FAM110B: variants seen among roughly 807,000 people sequenced by gnomAD.
The protein encoded by FAM110B is protein FAM110B.
In FAM110B, 6 loss-of-function variants were observed where a neutral mutation model predicts 20.4. The observed-to-expected ratio is 0.29, with a 90% CI of 0.16 to 0.58. FAM110B has a LOEUF of 0.58. FAM110B is among the 20% of genes least tolerant of loss of function. The pLI, the probability that FAM110B is intolerant of heterozygous loss-of-function variation, is 0.90. For missense variants in FAM110B, 434 were observed against 498.2 expected (o/e 0.87, Z 1.23); for synonymous variants, 226 against 214.1 (o/e 1.06, Z -0.49).
At position 58,148,394 on chromosome 8, in the gene FAM110B, T is replaced by C. The variant is rs925235806; in HGVS notation, c.*1051T>C. ...TCTGAGCAGCGTGATTCTGTTGTCT[T>C]GCATATGTTATTCTCTCAGGCTGTG... On this transcript the variant is annotated 3_prime_UTR_variant, in exon 4 of 4. Coordinates refer to ENST00000519262, the MANE Select transcript of FAM110B (RefSeq NM_001377989.1). 6.0e-6 allele frequency: 1 copy of C among 167,212 alleles called. No individual in the cohort carries two copies. The allele number at this position is 167,212 out of a possible 1,614,324, so 10.4% of individuals were successfully genotyped here. A position where few individuals can be genotyped will look rare whatever the true frequency, so the allele number is the denominator to read the frequency against.
At chr8:58,141,000 A>G (rs1031406478) in intron 3 of FAM110B, among the ~76,000 whole-genome samples, 3 of 152,224 alleles carry the variant, frequency 2.0e-5, no homozygotes, top group African/African-American at 7.2e-5. Flanking sequence ...GAACACAGCC[A>G]TAATTCAGTC....
In FAM110B at chr8:58,145,889, G is replaced by C. The variant is rs1434477120; in HGVS notation, c.-324-18G>C. The C allele has an allele frequency of 1.0e-5, 2 of 199,952 alleles. No individual in the cohort carries two copies. The highest frequency in any genetic ancestry group is 1.6e-4 in the South Asian group (1 of 6,146). The allele number at this position is 199,952 out of a possible 1,614,324, so 12.4% of individuals were successfully genotyped here. ...CACCCGCCCCTCCTAACCCGCGGTT[G>C]GTTGTTTTGTGTTTCAGCTCTGCCT... On this transcript the variant is annotated intron_variant, in intron 3 of 3. Transcript: ENST00000519262.
chr8:58,105,655 G>A (rs144348919), intron 3 of FAM110B, among the ~76,000 whole-genome samples: 43 of 128,526 alleles, frequency 3.3e-4, no homozygotes, highest in East Asian at 2.1e-3. Context: ...TGCAAGCTCC[G>A]CCTCCCAGGT....
intron 3 of FAM110B, among the ~76,000 whole-genome samples, chr8:58,080,130 A>G (rs1298026868): frequency 2.6e-5 from 4 of 152,246 alleles, no homozygotes; most frequent in African/African-American, 9.6e-5. Flanking sequence ...GTGGTTAGAC[A>G]TACACTGGGT....
chr8:58,037,613 A>G (rs1484653941), intron 2 of FAM110B, among the ~76,000 whole-genome samples: 2 of 152,002 alleles, frequency 1.3e-5, no homozygotes, highest in Non-Finnish European at 2.9e-5. Flanking sequence ...CTCCAGCCTG[A>G]GCGACAGAGT....
chr8:58,002,053 A>G (rs1804309413), intron 1 of FAM110B, among the ~76,000 whole-genome samples: 1 of 152,094 alleles, frequency 6.6e-6, no homozygotes. Context: ...ACAGAGAGAG[A>G]GACAGAGAGA....
chr8:58,059,081 G>A (rs1462843692), intron 2 of FAM110B, among the ~76,000 whole-genome samples: 1 of 152,074 alleles, frequency 6.6e-6, no homozygotes. Flanking sequence ...CACTTAGTAG[G>A]ATGTCTTTGA....
At chr8:58,074,368 C>G (rs1805980725) in intron 2 of FAM110B, among the ~76,000 whole-genome samples, 1 of 152,134 alleles carries the variant, frequency 6.6e-6, no homozygotes, top group African/African-American at 2.4e-5. Flanking sequence ...CCCACACTCA[C>G]AGCCACACCA....
chr8:58,088,102 A>G (rs1361123661), intron 3 of FAM110B, among the ~76,000 whole-genome samples: 1 of 152,250 alleles, frequency 6.6e-6, no homozygotes, highest in Non-Finnish European at 1.5e-5. Flanking sequence ...AATGTAATTA[A>G]AAGAAAAAAA....
chr8:58,057,164 A>G (rs534954156), intron 2 of FAM110B, among the ~76,000 whole-genome samples: 3 of 152,312 alleles, frequency 2.0e-5, no homozygotes, highest in African/African-American at 4.8e-5. Flanking sequence ...TGGGCTGCCT[A>G]GAGGGCTCTG....
intron 3 of FAM110B, among the ~76,000 whole-genome samples, chr8:58,079,379 A>G (rs1202802628): frequency 1.3e-5 from 2 of 149,844 alleles, no homozygotes; most frequent in African/African-American, 5.0e-5. Context: ...GGGTAGATCT[A>G]GGGATAGTCT....
At chr8:58,135,042 T>A (rs1456296899) in intron 3 of FAM110B, among the ~76,000 whole-genome samples, 1 of 152,246 alleles carries the variant, frequency 6.6e-6, no homozygotes. Context: ...ATTTGGTGCT[T>A]CATACATATC....
At chr8:58,132,742 A>C (rs1446327214) in intron 3 of FAM110B, among the ~76,000 whole-genome samples, 1 of 152,224 alleles carries the variant, frequency 6.6e-6, no homozygotes, top group Non-Finnish European at 1.5e-5. Flanking sequence ...GCCTGTGCCC[A>C]AAATCAAAAG....
intron 3 of FAM110B, among the ~76,000 whole-genome samples, chr8:58,082,293 T>C (rs1025936830): frequency 6.6e-6 from 1 of 152,200 alleles, no homozygotes; most frequent in African/African-American, 2.4e-5. Flanking sequence ...TTAATGGGCA[T>C]GTAGAGACAA....
chr8:58,046,110 A>T (rs1006859241), intron 2 of FAM110B, among the ~76,000 whole-genome samples: 2 of 151,914 alleles, frequency 1.3e-5, no homozygotes, highest in African/African-American at 4.8e-5. Flanking sequence ...GATTAGGTGA[A>T]TTTTTTTTCT....
intron 3 of FAM110B, among the ~76,000 whole-genome samples, chr8:58,127,730 TA>T (rs1478301320): frequency 6.6e-5 from 10 of 152,254 alleles, no homozygotes; most frequent in African/African-American, 2.4e-4. Context: ...ATGTAATACT[TA>T]AAAATAAATC....
intron 1 of FAM110B, among the ~76,000 whole-genome samples, chr8:58,030,975 G>A (rs773922574): frequency 8.5e-5 from 13 of 152,156 alleles, no homozygotes; most frequent in Non-Finnish European, 1.3e-4. Flanking sequence ...TCTCGGTCCA[G>A]TCGATGTTAA....
chr8:58,069,782 A>G (rs937770985), intron 2 of FAM110B, among the ~76,000 whole-genome samples: 16 of 152,154 alleles, frequency 1.1e-4, no homozygotes, highest in Admixed American at 3.3e-4. Context: ...TTATAGCACC[A>G]CTATTATTTT....
Position 58,146,270 on chromosome 8 carries a change from C to T in FAM110B, c.40C>T (p.Pro14Ser), listed in dbSNP as rs760950128. The change falls in exon 4 of 4, where the codon CCG (proline) becomes TCG (serine). Residue 14 changes from proline (P) to serine (S), a missense_variant. Coordinates refer to ENST00000519262, the MANE Select transcript of FAM110B (RefSeq NM_001377989.1). ...CCTACAGACAGGTAGCATGGTGAAG[C>T]CGGTCAGCCCCGCGGGCACCTTCAC... is the stretch of plus-strand genomic sequence containing the variant. ...ETLQTGSMVK[P>S]VSPAGTFTSA... The T allele has an allele frequency of 1.9e-6, 3 of 1,611,352 alleles. No individual in the cohort carries two copies. Among genetic ancestry groups the T allele is most frequent in the South Asian group, 2.2e-5 (2 of 90,992 alleles).
Sources: gnomAD v4.1 joint callset for allele counts (sites outside exome capture counted in the v4.1 genomes callset) on GRCh38, gnomAD v4.1.1 for gene constraint, MANE v1.5 for transcripts, NCBI Gene and HGNC (gene_info 2026-07-23, HGNC 2026-07-21) for gene names.